The following SMC1A variants were observed in gnomAD, a reference collection of about 807,000 sequenced individuals.
SMC1A encodes structural maintenance of chromosomes 1A.
SMC1A carries 4 observed loss-of-function variants against 94.5 expected under a neutral mutation model. The ratio of observed to expected loss-of-function variants is 0.04; its 90% CI spans 0.02 to 0.10. The LOEUF is 0.10. SMC1A is among the 10% of genes least tolerant of loss of function. The pLI, the probability that SMC1A is intolerant of heterozygous loss-of-function variation, is 1.00. For synonymous variants in SMC1A, 345 were observed against 347.7 expected, an observed-to-expected ratio of 0.99 and a Z score of 0.09; for missense variants, 304 against 989.0, an observed-to-expected ratio of 0.31 and a Z score of 9.29.
Position 53,422,024 on chromosome X carries a change from CGA to C in SMC1A, c.109+466_109+467del, listed in dbSNP as rs782191385. On this transcript the variant is annotated intron_variant, in intron 1 of 24. Transcript: ENST00000322213. ...GGAGTTGGAGTGTACCAATGCGAGG[CGA>C]GAGAGGACGCTGGGCTGAAACAGAA... The C allele has an allele frequency of 5.8e-6, 7 of 1,209,347 alleles. No homozygotes were observed. In the South Asian group the frequency reaches 1.2e-4, roughly 21 times the overall value.
chrX:53,393,772 C>T (rs1556887595), intron 19 of SMC1A, among the ~76,000 whole-genome samples: 1 of 111,357 alleles, frequency 9.0e-6, no homozygotes. Flanking sequence ...ATGATTGAAA[C>T]ACATCATAAA....
Position 53,382,492 on chromosome X carries a change from G to T in SMC1A, c.3285+14C>A, listed in dbSNP as rs1556886011. 8.3e-7 allele frequency: 1 copy of T among 1,207,351 alleles called. No individual in the cohort carries two copies. The highest frequency in any genetic ancestry group is 2.2e-5 in the Admixed American group (1 of 45,576). ...GGATGGTAGCAGCTGGTTGGGTAAGGGGCTCCAGCCTACCTGGGCACTGCT... is the reference window on the plus strand; with the variant it reads ...GGATGGTAGCAGCTGGTTGGGTAAGTGGCTCCAGCCTACCTGGGCACTGCT... On this transcript the variant is annotated intron_variant, in intron 21 of 24. Coordinates refer to ENST00000322213, the MANE Select transcript of SMC1A (RefSeq NM_006306.4).
Position 53,379,772 on chromosome X carries a change from C to T in SMC1A, c.*331G>A. On this transcript the variant is annotated 3_prime_UTR_variant, in exon 25 of 25. Transcript: ENST00000322213. ...ACACATGCGGATACATACATACACA[C>T]ATACATACCCACACACACAGTGGGC... 1 of 356,554 alleles carries T rather than the reference C, an allele frequency of 2.8e-6. No homozygotes were observed. 29.4% of individuals were successfully genotyped at this position (356,554 alleles called of 1,213,427 possible).
intron 19 of SMC1A, among the ~76,000 whole-genome samples, chrX:53,394,125 CTGGGCAA>C (rs1188607692): frequency 2.1e-5 from 2 of 96,984 alleles, no homozygotes; most frequent in Non-Finnish European, 4.1e-5. Context: ...GCACTCCAGC[CTGGGCAA>C]CAAGAGTGAA....
rs1011191626 is a variant in SMC1A, at chrX:53,385,510, G to A, written c.2974-2257C>T. 2.2e-4 allele frequency among the ~76,000 whole-genome samples: 24 copies of A among 109,007 alleles called. 1 individual carries two copies. The highest frequency in any genetic ancestry group is 9.9e-5 in the Admixed American group (1 of 10,136). 94.7% of individuals were successfully genotyped at this position (109,007 alleles called of 115,157 possible). On this transcript the variant is annotated intron_variant, in intron 19 of 24. Transcript: ENST00000322213. Reference sequence around the variant, plus strand: ...AGGATGGTCTTGACCTCCTGACCTCGTGATCCGCCCGCCTAGGCCTCCCAA... The same window carrying A: ...AGGATGGTCTTGACCTCCTGACCTCATGATCCGCCCGCCTAGGCCTCCCAA...
At chrX:53,421,806 C>A (rs918937124) in intron 1 of SMC1A, 2 of 942,140 alleles carry the variant, frequency 2.1e-6, no homozygotes, top group Admixed American at 3.0e-5. Flanking sequence ...TCCTGATAAA[C>A]AATAAGCATT....
chrX:53,404,967 T>C, intron 13 of SMC1A, 45 bp downstream of exon 13: 1 of 1,169,199 alleles, frequency 8.6e-7, no homozygotes. Context: ...AGGCCAGGAA[T>C]GTGTGGATGG....
chrX:53,392,872 C>T (rs2075635089), intron 19 of SMC1A, among the ~76,000 whole-genome samples: 1 of 112,084 alleles, frequency 8.9e-6, no homozygotes, highest in Non-Finnish European at 1.9e-5. Context: ...GTTTTTGTTT[C>T]CACTGTCTCT....
intron 22 of SMC1A, 91 bp from the exon 23 acceptor site, chrX:53,381,178 AGCTT>A: frequency 1.6e-5 from 9 of 548,035 alleles, no homozygotes; most frequent in Admixed American, 2.8e-5. Flanking sequence ...CAAACAGGCC[AGCTT>A]CCCACTCCAC....
Position 53,415,101 on chromosome X carries a change from T to C in SMC1A, c.178A>G (p.Thr60Ala). 1 of 1,210,763 alleles carries C rather than the reference T, an allele frequency of 8.3e-7. No individual in the cohort carries two copies. The highest frequency in any genetic ancestry group is 1.1e-6 in the Non-Finnish European group (1 of 895,059). ...GCTCCATGGATCAGGTCCCGCAGGG[T>C]CTTTACCCGCAGGTTGCTGGTTTTT... is the stretch of plus-strand genomic sequence containing the variant. ...GEKTSNLRVK[T>A]LRDLIHGAPV... The change falls in exon 2 of 25, where the codon ACC becomes GCC. Residue 60 changes from threonine to alanine, a missense_variant. Coordinates refer to ENST00000322213, the MANE Select transcript of SMC1A (RefSeq NM_006306.4).
intron 15 of SMC1A, 68 bp downstream of exon 15, chrX:53,403,498 G>A (rs2075679735): frequency 1.1e-6 from 1 of 876,706 alleles, no homozygotes; most frequent in East Asian, 3.4e-5. Flanking sequence ...ACAGCATCTG[G>A]TTTTCCAAGG....
In SMC1A at chrX:53,378,347, G is replaced by A. The variant is rs1556885463; in HGVS notation, c.*1756C>T. ...AAAAGAAATGCGTAAGTAAAATGTG[G>A]TAATCATATGATGACAATCTATACA... On this transcript the variant is annotated 3_prime_UTR_variant, in exon 25 of 25. Coordinates refer to ENST00000322213, the MANE Select transcript of SMC1A (RefSeq NM_006306.4). The A allele has an allele frequency of 1.8e-5, 2 of 112,279 alleles. No homozygotes were observed. The highest frequency in any genetic ancestry group is 9.5e-5 in the Admixed American group (1 of 10,570). 9.3% of individuals were successfully genotyped at this position (112,279 alleles called of 1,213,427 possible). A position where few individuals can be genotyped will look rare whatever the true frequency, so the allele number is the denominator to read the frequency against.
Position 53,415,014 on chromosome X carries a change from C to T in SMC1A, c.265G>A (p.Ala89Thr). The change falls in exon 2 of 25, where the codon GCT becomes ACT. Residue 89 changes from alanine (A) to threonine (T), a missense_variant. Physicochemically the swap from Ala to Thr is moderately conservative, Grantham distance 58. This residue lies in a region of SMC1A where 120 missense variants were observed against 314.9 expected (regional missense o/e 0.38). Transcript: ENST00000322213. ...ACACGGGCAAAGGTACGGTCCTCAG[C>T]ACCCTCCTCAGAGTAGACCATGCTG... Reference protein sequence around the residue: ...FVSMVYSEEGAEDRTFARVIV... With the variant: ...FVSMVYSEEGTEDRTFARVIV... 3.3e-6 allele frequency: 4 copies of T among 1,211,242 alleles called. No homozygotes were observed. The highest frequency in any genetic ancestry group is 4.5e-6 in the Non-Finnish European group (4 of 895,338).
intron 16 of SMC1A, among the ~76,000 whole-genome samples, chrX:53,397,498 T>C (rs907555376): frequency 1.8e-5 from 2 of 111,418 alleles, no homozygotes; most frequent in African/African-American, 6.5e-5. Context: ...GGAGGATCAT[T>C]TGAGCCTGGG....
rs782363027 is a variant in SMC1A, at chrX:53,411,920, A to G, written c.1114-19T>C. On this transcript the variant is annotated intron_variant, in intron 6 of 24. Coordinates refer to ENST00000322213, the MANE Select transcript of SMC1A (RefSeq NM_006306.4). ...TCTTCACCTGTGTTAGGGACAGGGA[A>G]GGAGAACAGGGATGACCAAGTCAGC... The G allele has an allele frequency of 8.3e-7, 1 of 1,209,482 alleles. No homozygotes were observed. The highest frequency in any genetic ancestry group is 1.8e-5 in the African/African-American group (1 of 57,023).
chrX:53,404,030 T>C, intron 13 of SMC1A, 137 bp from the exon 14 acceptor site: 1 of 529,262 alleles, frequency 1.9e-6, no homozygotes, highest in Non-Finnish European at 3.4e-6. Context: ...ACTGCCCTAG[T>C]CAAGCCTCCA....
chrX:53,404,773 G>A (rs1409078524), intron 13 of SMC1A, among the ~76,000 whole-genome samples: 5 of 111,640 alleles, frequency 4.5e-5, no homozygotes, highest in African/African-American at 6.5e-5. Flanking sequence ...ATCTTAACTC[G>A]CATTTCACAG....
Position 53,382,659 on chromosome X carries a change from C to T in SMC1A, c.3132G>A (p.Glu1044=). 8.3e-7 allele frequency: 1 copy of T among 1,211,544 alleles called. No homozygotes were observed. Among genetic ancestry groups the T allele is most frequent in the Non-Finnish European group, 1.1e-6 (1 of 895,492 alleles). ...VRDKFQETSD[E]FEAARKRAKK... ...TTGCTCGCTTTCGGGCTGCTTCAAA[C>T]TCTGCCAGAAAGAAAGACAGGAGAC... The change falls in exon 21 of 25, where the codon GAG becomes GAA. Residue 1044 remains glutamate (E), a splice_region_variant and synonymous_variant. Coordinates refer to ENST00000322213, the MANE Select transcript of SMC1A (RefSeq NM_006306.4).
At chrX:53,403,694 G>T (rs1556889239) in intron 14 of SMC1A, 22 bp from the exon 15 acceptor site, 2 of 1,188,704 alleles carry the variant, frequency 1.7e-6, no homozygotes, top group Non-Finnish European at 1.1e-6. Flanking sequence ...AGCCAGGGAG[G>T]GCATCGGCCC....
Sources: gnomAD v4.1 joint callset for allele counts (sites outside exome capture counted in the v4.1 genomes callset) on GRCh38, gnomAD v4.1.1 for gene constraint, gnomAD v4.1.1 regional missense constraint, MANE v1.5 for transcripts, NCBI Gene and HGNC (gene_info 2026-07-23, HGNC 2026-07-21) for gene names.